PCDHA5: variants seen among roughly 807,000 people sequenced by gnomAD.
The protein encoded by PCDHA5 is protocadherin alpha-5.
Under a neutral mutation model 61.6 loss-of-function variants are expected in PCDHA5, and 43 were observed. The observed-to-expected ratio is 0.70, with a 90% CI of 0.55 to 0.90. The LOEUF (loss-of-function observed/expected upper bound fraction) is 0.90. Among genes scored for constraint, PCDHA5 ranks in the 40% least tolerant of loss-of-function variants. The pLI, the probability that PCDHA5 is intolerant of heterozygous loss-of-function variation, is 0.00. For synonymous variants in PCDHA5, 627 were observed against 543.9 expected, an observed-to-expected ratio of 1.15 and a Z score of -2.13; for missense variants, 1,298 against 1,222.7, an observed-to-expected ratio of 1.06 and a Z score of -0.92.
chr5:140,822,877 A>G lies in PCDHA5; in HGVS notation c.1102A>G (p.Ile368Val), dbSNP rs1554128927. The change falls in exon 1 of 4, where the codon ATT (isoleucine) becomes GTT (valine). Residue 368 changes from isoleucine to valine, a missense_variant. Transcript: ENST00000529859. ...AGAGGACGCTCCACTCAGCACGGTCATTGCTCTGATCAGCGTGTCTGACCG... is the reference window on the plus strand; with the variant it reads ...AGAGGACGCTCCACTCAGCACGGTCGTTGCTCTGATCAGCGTGTCTGACCG... The part of the protein sequence containing the change: ...VKEDAPLSTV[I>V]ALISVSDRDS... The G allele has an allele frequency of 1.9e-6, 3 of 1,614,078 alleles. No individual in the cohort carries two copies. The highest frequency in any genetic ancestry group is 1.3e-5 in the African/African-American group (1 of 74,948).
At position 140,822,002 on chromosome 5, in the gene PCDHA5, T is replaced by A. The variant is rs2150112881; in HGVS notation, c.227T>A (p.Val76Glu). 6.2e-7 allele frequency: 1 copy of A among 1,614,048 alleles called. No homozygotes were observed. The highest frequency in any genetic ancestry group is 8.5e-7 in the Non-Finnish European group (1 of 1,180,040). Residue 76 changes from valine (V) to glutamate (E), a missense_variant, in exon 1 of 4, where the codon GTA (valine) becomes GAA (glutamate). Val to Glu is a moderately radical substitution (Grantham distance 121). Coordinates refer to ENST00000529859, the MANE Select transcript of PCDHA5 (RefSeq NM_018908.3). ...AAGGGCCGCGGGGACCTTCTGGAGGTAAATCTGCAGAATGGCATTTTGTTT... is the reference window on the plus strand; with the variant it reads ...AAGGGCCGCGGGGACCTTCTGGAGGAAAATCTGCAGAATGGCATTTTGTTT... ...ASKGRGDLLE[V>E]NLQNGILFVN...
intron 1 of PCDHA5, chr5:140,834,548 G>T (rs1264423031): frequency 1.2e-6 from 2 of 1,613,978 alleles, no homozygotes; most frequent in African/African-American, 2.7e-5. Context: ...TGGGGCTGGA[G>T]CTGGCGGAGC....
intron 1 of PCDHA5, chr5:140,870,249 A>T (rs1554163944): frequency 6.2e-7 from 1 of 1,614,160 alleles, no homozygotes; most frequent in Non-Finnish European, 8.5e-7. Flanking sequence ...GTGTCAACGG[A>T]CAGGTGACCT....
intron 1 of PCDHA5, chr5:140,884,030 G>A: frequency 6.2e-7 from 1 of 1,613,438 alleles, no homozygotes; most frequent in Non-Finnish European, 8.5e-7. Flanking sequence ...GGTGGGTGCA[G>A]GCCACGTGGT....
At position 140,909,620 on chromosome 5, in the gene PCDHA5, A is replaced by G. The variant is rs576090849; in HGVS notation, c.2353-69329A>G. On this transcript the variant is annotated intron_variant, in intron 1 of 3. Transcript: ENST00000529859. Reference sequence around the variant, plus strand: ...ATTTTTCTAGGTAGAGGCAGCTCTAATTGGTCTTCCTATTTTGTCTTTTCC... The same window carrying G: ...ATTTTTCTAGGTAGAGGCAGCTCTAGTTGGTCTTCCTATTTTGTCTTTTCC... Among the ~76,000 whole-genome samples the G allele has an allele frequency of 3.8e-4, 58 of 152,240 alleles. 2 individuals carry two copies. The Middle Eastern group carries it at 0.01, about 27-fold the overall frequency.
At chr5:140,958,400 A>G (rs1236102640) in intron 1 of PCDHA5, among the ~76,000 whole-genome samples, 1 of 152,196 alleles carries the variant, frequency 6.6e-6, no homozygotes, top group African/African-American at 2.4e-5. Context: ...ATCAAACATT[A>G]TCACTGATGC....
In PCDHA5 at chr5:140,823,513, G is replaced by T; in HGVS notation, c.1738G>T (p.Val580Leu). Reference sequence around the variant, plus strand: ...CACCGGCGGCGCAGTGAGCGAGCTGGTGCCGAGGTCAGTGGGTGCGGGCCA... The same window carrying T: ...CACCGGCGGCGCAGTGAGCGAGCTGTTGCCGAGGTCAGTGGGTGCGGGCCA... ...GGTGGAVSELVPRSVGAGHVV... is the reference protein window; with the variant it reads ...GGTGGAVSELLPRSVGAGHVV... The change falls in exon 1 of 4, where the codon GTG becomes TTG. Residue 580 changes from valine (V) to leucine (L), a missense_variant. Val to Leu is a conservative substitution (Grantham distance 32). Coordinates refer to ENST00000529859, the MANE Select transcript of PCDHA5 (RefSeq NM_018908.3). 1 of 1,613,474 alleles carries T rather than the reference G, an allele frequency of 6.2e-7. No individual in the cohort carries two copies. Among genetic ancestry groups the T allele is most frequent in the Non-Finnish European group, 8.5e-7 (1 of 1,179,716 alleles).
chr5:140,950,708 T>A (rs1554219597), intron 1 of PCDHA5, among the ~76,000 whole-genome samples: 1 of 152,068 alleles, frequency 6.6e-6, no homozygotes, highest in East Asian at 1.9e-4. Context: ...AAATTTTTGT[T>A]CCTTATATCC....
intron 1 of PCDHA5, among the ~76,000 whole-genome samples, chr5:140,846,033 A>T (rs1301242129): frequency 6.7e-6 from 1 of 149,692 alleles, no homozygotes; most frequent in East Asian, 1.9e-4. Flanking sequence ...GAGTTTAGGA[A>T]AGTCAAGTTA....
In PCDHA5 at chr5:140,995,570, A is replaced by T. The variant is rs186345842; in HGVS notation, c.2500+13007A>T. ...TCACTGTACTGAATAATATGTCAAG[A>T]TGAGCTATGAGCTTTTAACTTAGTG... is the stretch of plus-strand genomic sequence containing the variant. On this transcript the variant is annotated intron_variant, in intron 3 of 3. Transcript: ENST00000529859. Among the ~76,000 whole-genome samples, 3 of 152,328 alleles carry T rather than the reference A, an allele frequency of 2.0e-5. No homozygotes were observed. In the East Asian group the frequency reaches 5.8e-4, roughly 29 times the overall value.
chr5:140,884,409 C>T, intron 1 of PCDHA5: 4 of 1,613,992 alleles, frequency 2.5e-6, no homozygotes, highest in Non-Finnish European at 3.4e-6. Context: ...TTGGTGCTCA[C>T]GTTGCTGCTG....
intron 1 of PCDHA5, among the ~76,000 whole-genome samples, chr5:140,906,354 A>C (rs552915845): frequency 3.8e-4 from 58 of 152,336 alleles, no homozygotes; most frequent in South Asian, 1.7e-3. Context: ...GAATGCACCA[A>C]TTCCCAACCC....
intron 1 of PCDHA5, chr5:140,927,673 G>C: frequency 6.2e-7 from 1 of 1,614,224 alleles, no homozygotes; most frequent in Non-Finnish European, 8.5e-7. Flanking sequence ...CTTGGATCCA[G>C]ATGAAGGGTC....
chr5:140,931,546 A>G (rs1416561002), intron 1 of PCDHA5, among the ~76,000 whole-genome samples: 1 of 152,048 alleles, frequency 6.6e-6, no homozygotes, highest in Non-Finnish European at 1.5e-5. Flanking sequence ...TACTGTTCAT[A>G]TGTGCAGGAA....
chr5:140,877,792 CCAAGCCTTCAGCT>C, intron 1 of PCDHA5: 1 of 1,614,004 alleles, frequency 6.2e-7, no homozygotes, highest in East Asian at 2.2e-5. Context: ...GGCCTTCAGC[CCAAGCCTTCAGCT>C]GTCTCGAGAA....
chr5:140,875,603 T>C (rs2055641899), intron 1 of PCDHA5: 1 of 1,613,724 alleles, frequency 6.2e-7, no homozygotes, highest in Admixed American at 1.7e-5. Context: ...CACGGCACCT[T>C]CGTGGGCCGC....
Position 140,849,712 on chromosome 5 carries a change from C to T in PCDHA5, c.2352+25585C>T, listed in dbSNP as rs2150446144. 1.9e-6 allele frequency: 3 copies of T among 1,598,618 alleles called. No individual in the cohort carries two copies. On this transcript the variant is annotated intron_variant, in intron 1 of 3. Transcript: ENST00000529859. ...GTGTCCACCTACAAGAATTACTACT[C>T]GTTGGTGCTGGACAGAGCTCTGGAC... is the stretch of plus-strand genomic sequence containing the variant.
At chr5:140,887,431 A>C (rs2061444829) in intron 1 of PCDHA5, among the ~76,000 whole-genome samples, 1 of 152,112 alleles carries the variant, frequency 6.6e-6, no homozygotes, top group African/African-American at 2.4e-5. Context: ...AAGTATTTTC[A>C]CTGGGCATAG....
chr5:140,927,128 A>T (rs2083872958), intron 1 of PCDHA5: 2 of 1,613,878 alleles, frequency 1.2e-6, no homozygotes, highest in Non-Finnish European at 1.7e-6. Context: ...GTGGTCAGAG[A>T]GCCGGCGGAC....
Sources: gnomAD v4.1 joint callset for allele counts (sites outside exome capture counted in the v4.1 genomes callset) on GRCh38, gnomAD v4.1.1 for gene constraint, MANE v1.5 for transcripts, NCBI Gene and HGNC (gene_info 2026-07-23, HGNC 2026-07-21) for gene names.